SFRP2: variants seen among roughly 807,000 people sequenced by gnomAD.
The protein encoded by SFRP2 is secreted frizzled-related protein 2.
SFRP2 carries 16 observed loss-of-function variants against 26.0 expected under a neutral mutation model. That is an observed-to-expected ratio of 0.61 (90% CI 0.42 to 0.93). SFRP2 has a LOEUF of 0.93. Among genes scored for constraint, SFRP2 ranks in the 40% least tolerant of loss-of-function variants. The probability of loss-of-function intolerance (pLI) is 0.00; values close to 1 mark genes in which losing one functional copy is unlikely to be tolerated. For missense variants in SFRP2, 343 were observed against 392.4 expected, an observed-to-expected ratio of 0.87 and a Z score of 1.06; for synonymous variants, 173 against 167.3, an observed-to-expected ratio of 1.03 and a Z score of -0.26.
intron 2 of SFRP2, among the ~76,000 whole-genome samples, chr4:153,783,921 ATACCT>A: frequency 6.6e-6 from 1 of 152,334 alleles, no homozygotes; most frequent in East Asian, 1.9e-4. Context: ...TATGCATGTG[ATACCT>A]TAAGTGTGAT....
At chr4:153,785,343 A>T (rs1412042360) in intron 2 of SFRP2, among the ~76,000 whole-genome samples, 1 of 152,096 alleles carries the variant, frequency 6.6e-6, no homozygotes, top group Non-Finnish European at 1.5e-5. Flanking sequence ...CCTCCTTGAC[A>T]AATTATTAAT....
intron 2 of SFRP2, among the ~76,000 whole-genome samples, chr4:153,782,348 C>T (rs1320332231): frequency 1.3e-5 from 2 of 152,152 alleles, no homozygotes; most frequent in African/African-American, 2.4e-5. Flanking sequence ...AACAGCACAA[C>T]GTGGTTAGTC....
At position 153,788,320 on chromosome 4, in the gene SFRP2, G is replaced by A; in HGVS notation, c.502+14C>T. 3 of 1,605,188 alleles carry A rather than the reference G, an allele frequency of 1.9e-6. No individual in the cohort carries two copies. Among genetic ancestry groups the A allele is most frequent in the South Asian group, 2.2e-5 (2 of 90,740 alleles). Reference sequence around the variant, plus strand: ...AGCCCAGCAGGGAGTGGGGAAGCAAGAGGGAAGGCTTACCTTCCTCGGTGG... The same window carrying A: ...AGCCCAGCAGGGAGTGGGGAAGCAAAAGGGAAGGCTTACCTTCCTCGGTGG... On this transcript the variant is annotated intron_variant, in intron 1 of 2. Transcript: ENST00000274063.
At chr4:153,783,771 T>C (rs1215561649) in intron 2 of SFRP2, among the ~76,000 whole-genome samples, 3 of 152,204 alleles carry the variant, frequency 2.0e-5, no homozygotes, top group Admixed American at 6.5e-5. Context: ...TACTTTTCCA[T>C]TATTCACAAA....
Position 153,788,941 on chromosome 4 carries a change from C to T in SFRP2, c.-106G>A. 2 of 1,310,038 alleles carry T rather than the reference C, an allele frequency of 1.5e-6. No homozygotes were observed. The highest frequency in any genetic ancestry group is 2.0e-6 in the Non-Finnish European group (2 of 1,009,750). 81.2% of individuals were successfully genotyped at this position (1,310,038 alleles called of 1,614,324 possible). A position where few individuals can be genotyped will look rare whatever the true frequency, so the allele number is the denominator to read the frequency against. Reference sequence around the variant, plus strand: ...CCCGCTCTCTTCGCTGGGTGCGACTCGGGGCCCCGAAAAGCTGGCAGCCGG... The same window carrying T: ...CCCGCTCTCTTCGCTGGGTGCGACTTGGGGCCCCGAAAAGCTGGCAGCCGG... On this transcript the variant is annotated 5_prime_UTR_variant, in exon 1 of 3. Transcript: ENST00000274063.
At position 153,788,421 on chromosome 4, in the gene SFRP2, TG is replaced by T. The variant is rs1741250008; in HGVS notation, c.414del (p.Asp138GlufsTer48). 6.2e-7 allele frequency: 1 copy of T among 1,613,972 alleles called. No homozygotes were observed. The highest frequency in any genetic ancestry group is 8.5e-7 in the Non-Finnish European group (1 of 1,180,042). ...TGGGGGAAACGGTCGCACTCAAGCA[TG>T]TCGGGCCAGGGGAAGCCGAAGGCGG... The part of the protein sequence containing the change: ...VMSAFGFPWP[D>X]MLECDRFPQD... On this transcript the variant is annotated frameshift_variant, in exon 1 of 3. Transcript: ENST00000274063. LOFTEE classifies it high-confidence loss of function.
At chr4:153,787,093 A>G (rs1030751515) in intron 1 of SFRP2, among the ~76,000 whole-genome samples, 1 of 152,194 alleles carries the variant, frequency 6.6e-6, no homozygotes, top group Non-Finnish European at 1.5e-5. Context: ...GGAGAAATGT[A>G]AGATGCGTAA....
Position 153,788,976 on chromosome 4 carries a change from C to A in SFRP2, c.-141G>T, listed in dbSNP as rs1029433095. The A allele has an allele frequency of 4.8e-6, 5 of 1,038,454 alleles. No individual in the cohort carries two copies. In the East Asian group the frequency reaches 9.1e-5, roughly 19 times the overall value. The allele number at this position is 1,038,454 out of a possible 1,614,324, so 64.3% of individuals were successfully genotyped here. On this transcript the variant is annotated 5_prime_UTR_variant, in exon 1 of 3. Transcript: ENST00000274063. ...AAAAGCTGGCAGCCGGCGGCTGGGG[C>A]GCGGAGAAGCGGGACACCGGGAGGA...
At chr4:153,787,295 A>G (rs748710400) in intron 1 of SFRP2, among the ~76,000 whole-genome samples, 14 of 152,256 alleles carry the variant, frequency 9.2e-5, no homozygotes, top group Non-Finnish European at 1.8e-4. Flanking sequence ...TTTGCAATAA[A>G]TTAGAAATCT....
rs1741173731 is a variant in SFRP2, at chr4:153,784,640, T to G, written c.583+1224A>C. On this transcript the variant is annotated intron_variant, in intron 2 of 2. Coordinates refer to ENST00000274063, the MANE Select transcript of SFRP2 (RefSeq NM_003013.3). Reference sequence around the variant, plus strand: ...TTTAGGGACCTGACCAGGCCTGAGATTTCTGGGATGGCAAGGTAAGGAGAG... The same window carrying G: ...TTTAGGGACCTGACCAGGCCTGAGAGTTCTGGGATGGCAAGGTAAGGAGAG... Among the ~76,000 whole-genome samples, 3 of 152,144 alleles carry G rather than the reference T, an allele frequency of 2.0e-5. No homozygotes were observed. In the South Asian group the frequency reaches 6.2e-4, roughly 32 times the overall value.
At position 153,788,410 on chromosome 4, in the gene SFRP2, G is replaced by T; in HGVS notation, c.426C>A (p.Cys142Ter). Residue 142 changes from cysteine to a stop codon, truncating the protein, a stop_gained, in exon 1 of 3, where the codon TGC becomes TGA. Transcript: ENST00000274063. LOFTEE classifies it high-confidence loss of function. ...FGFPWPDMLE[C>*]DRFPQDNDLC... ...GGTCGTTGTCCTGGGGGAAACGGTC[G>T]CACTCAAGCATGTCGGGCCAGGGGA... 1 of 1,613,956 alleles carries T rather than the reference G, an allele frequency of 6.2e-7. No individual in the cohort carries two copies. Among genetic ancestry groups the T allele is most frequent in the Non-Finnish European group, 8.5e-7 (1 of 1,180,038 alleles).
chr4:153,788,676 C>T lies in SFRP2; in HGVS notation c.160G>A (p.Glu54Lys), dbSNP rs1270382627. 4 of 1,614,106 alleles carry T rather than the reference C, an allele frequency of 2.5e-6. No individual in the cohort carries two copies. Among genetic ancestry groups the T allele is most frequent in the Non-Finnish European group, 3.4e-6 (4 of 1,179,994 alleles). ...PANLQLCHGI[E>K]YQNMRLPNLL... The stretch of plus-strand genomic sequence containing the variant: ...TTGGGCAGCCGCATGTTCTGGTATT[C>T]GATGCCGTGGCACAGCTGCAGGTTG... Residue 54 changes from glutamate (E) to lysine (K), a missense_variant, in exon 1 of 3, where the codon GAA becomes AAA. This residue lies in a region of SFRP2 where 251 missense variants were observed against 253.3 expected (regional missense o/e 0.99). Coordinates refer to ENST00000274063, the MANE Select transcript of SFRP2 (RefSeq NM_003013.3).
intron 1 of SFRP2, among the ~76,000 whole-genome samples, chr4:153,786,456 G>C (rs1224531830): frequency 6.6e-6 from 1 of 151,816 alleles, no homozygotes; most frequent in Admixed American, 6.6e-5. Context: ...GGCTCTACTC[G>C]GCAGAGCTCT....
intron 1 of SFRP2, 52 bp downstream of exon 1, chr4:153,788,282 C>T (rs1741245738): frequency 1.3e-6 from 2 of 1,571,244 alleles, no homozygotes; most frequent in Admixed American, 3.4e-5. Context: ...GCGGGATCTC[C>T]TGGGAGCGTC....
rs950449587 is a variant in SFRP2 at position 153,789,039 on chromosome 4, CG to C, written c.-205del. 1.7e-5 allele frequency: 9 copies of C among 539,656 alleles called. No homozygotes were observed. The highest frequency in any genetic ancestry group is 2.5e-5 in the Non-Finnish European group (8 of 321,168). The allele number at this position is 539,656 out of a possible 1,614,324, so 33.4% of individuals were successfully genotyped here. ...GGCGCTGCAAGCCCGCGCGCAGCTC[CG>C]GGGGGCTCCGACCCGGGGGAGCAGA... On this transcript the variant is annotated 5_prime_UTR_variant, in exon 1 of 3. Coordinates refer to ENST00000274063, the MANE Select transcript of SFRP2 (RefSeq NM_003013.3).
chr4:153,785,155 CT>C (rs201743068), intron 2 of SFRP2, among the ~76,000 whole-genome samples: 19 of 151,256 alleles, frequency 1.3e-4, no homozygotes, highest in South Asian at 4.2e-4. Flanking sequence ...AATTTCTAAG[CT>C]TTTTTTTTCC....
At chr4:153,785,109 A>G (rs1177521335) in intron 2 of SFRP2, among the ~76,000 whole-genome samples, 1 of 152,186 alleles carries the variant, frequency 6.6e-6, no homozygotes, top group East Asian at 1.9e-4. Context: ...ATTGTCCCCA[A>G]ACACCATGTG....
chr4:153,783,978 G>A (rs2405201), intron 2 of SFRP2, among the ~76,000 whole-genome samples: 150,035 of 152,272 alleles, frequency 0.99, 73,944 homozygotes, highest in Middle Eastern at 1. Flanking sequence ...CTGTAAGGAG[G>A]GAGCACACTA....
intron 2 of SFRP2, among the ~76,000 whole-genome samples, chr4:153,784,461 G>T (rs1400275171): frequency 2.0e-5 from 3 of 152,218 alleles, no homozygotes; most frequent in Non-Finnish European, 4.4e-5. Context: ...TAAGGACTTT[G>T]AGCTACCTCC....
Sources: gnomAD v4.1 joint callset for allele counts (sites outside exome capture counted in the v4.1 genomes callset) on GRCh38, gnomAD v4.1.1 for gene constraint, gnomAD v4.1.1 regional missense constraint, MANE v1.5 for transcripts, NCBI Gene and HGNC (gene_info 2026-07-23, HGNC 2026-07-21) for gene names.